The following PDE1A variants were observed in gnomAD, a reference collection of about 807,000 sequenced individuals.
PDE1A encodes dual specificity calcium/calmodulin-dependent 3',5'-cyclic nucleotide phosphodiesterase 1A.
A neutral mutation model predicts 61.7 loss-of-function variants in PDE1A; 35 were observed. The observed-to-expected ratio is 0.57, with a 90% CI of 0.43 to 0.75. The LOEUF is 0.75. Among genes scored for constraint, PDE1A ranks in the 30% least tolerant of loss-of-function variants. PDE1A has a pLI of 0.00. For missense variants in PDE1A, 597 were observed against 630.6 expected (o/e 0.95, Z 0.57); for synonymous variants, 232 against 213.2 (o/e 1.09, Z -0.77).
intron 1 of PDE1A, among the ~76,000 whole-genome samples, chr2:182,333,607 A>G (rs1461664753): frequency 1.3e-5 from 2 of 152,230 alleles, no homozygotes; most frequent in Non-Finnish European, 2.9e-5. Context: ...TTATAGCACT[A>G]GGTGCCCACA....
the PDE1A span, among the ~76,000 whole-genome samples, chr2:182,629,299 A>G: frequency 7.2e-5 from 11 of 152,180 alleles, no homozygotes; most frequent in Non-Finnish European, 1.3e-4. Context: ...ACAGAAAATA[A>G]GTGTATGTCA....
At chr2:182,487,360 C>T (rs6720583) in intron 2 of PDE1A, among the ~76,000 whole-genome samples, 3,390 of 152,180 alleles carry the variant, frequency 0.022, 67 homozygotes, top group African/African-American at 0.059. Context: ...TAGCAGCTTA[C>T]GAATGGATTA....
the PDE1A span, among the ~76,000 whole-genome samples, chr2:182,653,121 C>G: frequency 6.6e-6 from 1 of 152,228 alleles, no homozygotes; most frequent in Non-Finnish European, 1.5e-5. Flanking sequence ...CACTTTCGAC[C>G]CTTTTGAAGT....
chr2:182,251,328 G>A (rs1691386047), intron 2 of PDE1A, among the ~76,000 whole-genome samples: 1 of 152,132 alleles, frequency 6.6e-6, no homozygotes, highest in South Asian at 2.1e-4. Flanking sequence ...TTACAACTTG[G>A]AACAACACTT....
the PDE1A span, among the ~76,000 whole-genome samples, chr2:182,708,960 A>G: frequency 6.6e-6 from 1 of 152,152 alleles, no homozygotes; most frequent in Non-Finnish European, 1.5e-5. Flanking sequence ...GGTTATTTTG[A>G]TGATCATTAT....
the PDE1A span, among the ~76,000 whole-genome samples, chr2:182,649,292 T>C: frequency 2.0e-5 from 3 of 151,984 alleles, no homozygotes; most frequent in Non-Finnish European, 4.4e-5. Context: ...GAAACCAAAA[T>C]CAGAATAGGA....
chr2:182,633,994 CG>C, the PDE1A span, among the ~76,000 whole-genome samples: 1 of 151,848 alleles, frequency 6.6e-6, no homozygotes, highest in Non-Finnish European at 1.5e-5. Context: ...GAAGCTGAGG[CG>C]GGAGGATCCT....
At chr2:182,306,328 C>A (rs1695582567) in intron 1 of PDE1A, among the ~76,000 whole-genome samples, 1 of 152,088 alleles carries the variant, frequency 6.6e-6, no homozygotes. Context: ...ATACTGATTT[C>A]AAATTCTTTG....
chr2:182,240,062 G>T (rs1690376390), intron 3 of PDE1A, 48 bp downstream of exon 3: 3 of 1,515,570 alleles, frequency 2.0e-6, no homozygotes, highest in South Asian at 1.2e-5. Context: ...GAATGTATCT[G>T]CTGCCTTTCA....
intron 2 of PDE1A, among the ~76,000 whole-genome samples, chr2:182,473,058 C>A (rs1327291054): frequency 6.6e-6 from 1 of 151,384 alleles, no homozygotes; most frequent in African/African-American, 2.4e-5. Flanking sequence ...GTGTGCTGCA[C>A]CCATTTAGCA....
chr2:182,259,216 C>T (rs10180233), intron 2 of PDE1A, among the ~76,000 whole-genome samples: 40,396 of 152,024 alleles, frequency 0.27, 5,536 homozygotes, highest in Middle Eastern at 0.36. Context: ...TTTAGCAAGA[C>T]GCAAAAGTCA....
intron 1 of PDE1A, among the ~76,000 whole-genome samples, chr2:182,282,509 T>C (rs1018246694): frequency 1.3e-5 from 2 of 152,008 alleles, no homozygotes; most frequent in Non-Finnish European, 2.9e-5. Flanking sequence ...CACCAAAGCA[T>C]ACATTCTCAC....
At chr2:182,507,689 A>G (rs1460273238) in intron 2 of PDE1A, among the ~76,000 whole-genome samples, 2 of 152,260 alleles carry the variant, frequency 1.3e-5, no homozygotes, top group East Asian at 3.8e-4. Flanking sequence ...ACAATATGAT[A>G]GAATTTCTGG....
chr2:182,351,735 C>T (rs999097088), intron 1 of PDE1A, among the ~76,000 whole-genome samples: 2 of 152,174 alleles, frequency 1.3e-5, no homozygotes, highest in Non-Finnish European at 2.9e-5. Context: ...TCACAGCCAA[C>T]ACTCTATCAT....
chr2:182,353,327 A>G (rs971909617), intron 1 of PDE1A, among the ~76,000 whole-genome samples: 60 of 152,326 alleles, frequency 3.9e-4, no homozygotes, highest in African/African-American at 1.4e-3. Flanking sequence ...ATACAAATAT[A>G]CTTATGAAAT....
chr2:182,557,140 C>T, the PDE1A span, among the ~76,000 whole-genome samples: 2 of 152,012 alleles, frequency 1.3e-5, no homozygotes, highest in Admixed American at 1.3e-4. Flanking sequence ...ACTAAAAATA[C>T]AAAAATTAGC....
intron 2 of PDE1A, among the ~76,000 whole-genome samples, chr2:182,263,783 T>G (rs1692402546): frequency 6.6e-6 from 1 of 152,160 alleles, no homozygotes; most frequent in Non-Finnish European, 1.5e-5. Flanking sequence ...TTTCCTAATC[T>G]CCTTACAACT....
chr2:182,549,793 A>C, the PDE1A span, among the ~76,000 whole-genome samples: 2 of 152,138 alleles, frequency 1.3e-5, no homozygotes, highest in African/African-American at 4.8e-5. Flanking sequence ...GTATATGTTT[A>C]TATTACTTAT....
the PDE1A span, among the ~76,000 whole-genome samples, chr2:182,566,496 T>A: frequency 2.0e-5 from 3 of 151,160 alleles, no homozygotes; most frequent in South Asian, 2.1e-4. Flanking sequence ...ATGCTATGCA[T>A]AATATAAATT....
Sources: gnomAD v4.1 joint callset for allele counts (sites outside exome capture counted in the v4.1 genomes callset) on GRCh38, gnomAD v4.1.1 for gene constraint, MANE v1.5 for transcripts, NCBI Gene and HGNC (gene_info 2026-07-23, HGNC 2026-07-21) for gene names.